PDE10A: variants seen among roughly 807,000 people sequenced by gnomAD.
The protein encoded by PDE10A is phosphodiesterase 10A, also known as cAMP and cAMP-inhibited cGMP 3',5'-cyclic phosphodiesterase 10A.
Under a neutral mutation model 97.7 loss-of-function variants are expected in PDE10A, and 39 were observed. That is an observed-to-expected ratio of 0.40 (90% CI 0.31 to 0.52). The LOEUF is 0.52. PDE10A is among the 20% of genes least tolerant of loss of function. The probability of loss-of-function intolerance (pLI) is 0.56; values close to 1 mark genes in which losing one functional copy is unlikely to be tolerated. For missense variants in PDE10A, 731 were observed against 1,047.8 expected, an observed-to-expected ratio of 0.70 and a Z score of 4.17; for synonymous variants, 371 against 376.8, an observed-to-expected ratio of 0.98 and a Z score of 0.18.
Position 165,450,359 on chromosome 6 carries a change from G to A in PDE10A, c.1027C>T (p.Gln343Ter). 1 of 1,514,800 alleles carries A rather than the reference G, an allele frequency of 6.6e-7. No homozygotes were observed. Among genetic ancestry groups the A allele is most frequent in the Non-Finnish European group, 9.0e-7 (1 of 1,111,874 alleles). The allele number at this position is 1,514,800 out of a possible 1,614,324, so 93.8% of individuals were successfully genotyped here. Residue 343 changes from glutamine (Q) to a stop codon, truncating the protein, a stop_gained, in exon 4 of 22, where the codon CAA becomes TAA. Transcript: ENST00000539869. LOFTEE classifies it high-confidence loss of function. ...ESAPKEVSRY[Q>*]DTNMQGVVYE... ...ACAACTCCCTGCATATTCGTATCTTGGTACTTTGGATTAAAAATAACAAAA... is the reference window on the plus strand; with the variant it reads ...ACAACTCCCTGCATATTCGTATCTTAGTACTTTGGATTAAAAATAACAAAA...
chr6:165,823,501 TA>T (rs1228572737), intron 1 of PDE10A, among the ~76,000 whole-genome samples: 3 of 96,726 alleles, frequency 3.1e-5, no homozygotes, highest in South Asian at 3.2e-4. Flanking sequence ...TATATATATA[TA>T]TATATATATA....
At chr6:165,896,669 C>T (rs368560511) in intron 1 of PDE10A, among the ~76,000 whole-genome samples, 4 of 151,914 alleles carry the variant, frequency 2.6e-5, no homozygotes, top group East Asian at 3.9e-4. Flanking sequence ...AGACTACAGG[C>T]GCCCACCACC....
At chr6:165,436,813 T>C (rs1383819666) in intron 5 of PDE10A, among the ~76,000 whole-genome samples, 1 of 152,200 alleles carries the variant, frequency 6.6e-6, no homozygotes, top group Non-Finnish European at 1.5e-5. Flanking sequence ...ACACATGGCA[T>C]AGAGTAAGAC....
At chr6:165,452,620 C>G (rs1791384647) in intron 3 of PDE10A, among the ~76,000 whole-genome samples, 1 of 152,064 alleles carries the variant, frequency 6.6e-6, no homozygotes, top group South Asian at 2.1e-4. Context: ...AAATGAAGGC[C>G]CCTCATCCCA....
chr6:165,462,269 T>C (rs941827408), intron 3 of PDE10A, among the ~76,000 whole-genome samples: 1 of 152,204 alleles, frequency 6.6e-6, no homozygotes, highest in African/African-American at 2.4e-5. Context: ...ATAGAGAATA[T>C]GGAACCCCAC....
intron 1 of PDE10A, among the ~76,000 whole-genome samples, chr6:165,551,680 T>A (rs1411676130): frequency 1.3e-5 from 2 of 152,188 alleles, no homozygotes; most frequent in Non-Finnish European, 2.9e-5. Context: ...TTACACTTCC[T>A]CCCGTCTGAG....
At chr6:165,341,684 T>C (rs1238729394) in intron 19 of PDE10A, among the ~76,000 whole-genome samples, 2 of 152,198 alleles carry the variant, frequency 1.3e-5, no homozygotes, top group Non-Finnish European at 2.9e-5. Context: ...AACTCAACTT[T>C]TTCTTGTCAT....
intron 2 of PDE10A, among the ~76,000 whole-genome samples, chr6:165,520,977 G>GTT (rs142431330): frequency 2.0e-5 from 3 of 151,216 alleles, no homozygotes; most frequent in Admixed American, 6.6e-5. Context: ...AGATACTATG[G>GTT]TTTTTTTTTA....
At chr6:165,502,864 T>C (rs1583420742) in intron 2 of PDE10A, among the ~76,000 whole-genome samples, 2 of 152,174 alleles carry the variant, frequency 1.3e-5, no homozygotes, top group East Asian at 3.9e-4. Context: ...GAGGGAACAT[T>C]ACCTGCAGAG....
intron 1 of PDE10A, among the ~76,000 whole-genome samples, chr6:165,845,677 G>T (rs1780397255): frequency 6.6e-6 from 1 of 152,184 alleles, no homozygotes. Flanking sequence ...TTTATGTGCT[G>T]TGAAACCTCA....
intron 1 of PDE10A, among the ~76,000 whole-genome samples, chr6:165,895,987 C>T (rs1300930499): frequency 6.6e-6 from 1 of 152,184 alleles, no homozygotes; most frequent in Non-Finnish European, 1.5e-5. Context: ...CAGGCCTCTG[C>T]ACCCACTGGC....
chr6:165,825,027 T>TA (rs1779689194), intron 1 of PDE10A, among the ~76,000 whole-genome samples: 1 of 146,530 alleles, frequency 6.8e-6, no homozygotes, highest in Non-Finnish European at 1.5e-5. Flanking sequence ...CAGTCACCTG[T>TA]AATCTCAGCT....
rs1266758075 is a variant in PDE10A at position 165,507,469 on chromosome 6, A to G, written c.995-25126T>C. ...TATATGCACTCTTCATGAGACTCCT[A>G]CTATCATGATCTACCTGGAAGACAG... On this transcript the variant is annotated intron_variant, in intron 2 of 21. Transcript: ENST00000539869. Among the ~76,000 whole-genome samples, 3 of 152,142 alleles carry G rather than the reference A, an allele frequency of 2.0e-5. No individual in the cohort carries two copies. In the East Asian group the frequency reaches 5.8e-4, roughly 29 times the overall value.
intron 1 of PDE10A, among the ~76,000 whole-genome samples, chr6:165,742,325 G>A (rs988254095): frequency 6.6e-6 from 1 of 152,032 alleles, no homozygotes; most frequent in South Asian, 2.1e-4. Flanking sequence ...GCTGTTTCCC[G>A]TCCTTTGCAT....
chr6:165,748,323 C>G (rs542015084), intron 1 of PDE10A, among the ~76,000 whole-genome samples: 1 of 152,238 alleles, frequency 6.6e-6, no homozygotes, highest in East Asian at 1.9e-4. Flanking sequence ...TACAAACAAC[C>G]TGTAGAAAGT....
intron 1 of PDE10A, among the ~76,000 whole-genome samples, chr6:165,682,026 C>T (rs977133806): frequency 3.9e-5 from 6 of 152,206 alleles, no homozygotes; most frequent in Admixed American, 1.3e-4. Context: ...CCCTCTAAGT[C>T]GTCCTTGTTC....
At chr6:165,956,617 T>C (rs1784140503) in intron 1 of PDE10A, among the ~76,000 whole-genome samples, 1 of 152,224 alleles carries the variant, frequency 6.6e-6, no homozygotes, top group Non-Finnish European at 1.5e-5. Context: ...AATACTCAGG[T>C]CTTTTAAGTT....
Position 165,819,491 on chromosome 6 carries a change from CT to C in PDE10A, c.-615+168037del, listed in dbSNP as rs1214485101. Among the ~76,000 whole-genome samples the C allele has an allele frequency of 3.9e-5, 6 of 152,178 alleles. No individual in the cohort carries two copies. Among genetic ancestry groups the C allele is most frequent in the African/African-American group, 1.2e-4 (5 of 41,446 alleles). On this transcript the variant is annotated intron_variant, in intron 1 of 19. Coordinates refer to the PDE10A transcript ENST00000366882. The surrounding 1 kb of genome is among the most constrained non-coding windows in gnomAD (Gnocchi z 4.2). ...GAGACACGCTTGCACCCTGCACGTGCTGCCCTCTGACTGCAGGGTGCCGGCA... is the reference window on the plus strand; with the variant it reads ...GAGACACGCTTGCACCCTGCACGTGCGCCCTCTGACTGCAGGGTGCCGGCA...
chr6:165,654,812 C>G (rs1583724543), intron 1 of PDE10A, among the ~76,000 whole-genome samples: 1 of 152,202 alleles, frequency 6.6e-6, no homozygotes, highest in Admixed American at 6.5e-5. Context: ...CTGGAACTCA[C>G]CTGCTCTCTG....
Sources: gnomAD v4.1 joint callset for allele counts (sites outside exome capture counted in the v4.1 genomes callset) on GRCh38, gnomAD v4.1.1 for gene constraint, Gnocchi (gnomAD v3.1) non-coding constraint, MANE v1.5 for transcripts, NCBI Gene and HGNC (gene_info 2026-07-23, HGNC 2026-07-21) for gene names.